The following CTNNA3 variants were observed in gnomAD, a reference collection of about 807,000 sequenced individuals.
The protein encoded by CTNNA3 is catenin alpha 3.
A neutral mutation model predicts 95.7 loss-of-function variants in CTNNA3; 76 were observed. The ratio of observed to expected loss-of-function variants is 0.79; its 90% CI spans 0.66 to 0.96. CTNNA3 has a LOEUF of 0.96. CTNNA3 is among the 40% of genes least tolerant of loss of function. CTNNA3 has a pLI of 0.00. For missense variants in CTNNA3, 1,191 were observed against 1,089.8 expected, an observed-to-expected ratio of 1.09 and a Z score of -1.31; for synonymous variants, 431 against 374.4, an observed-to-expected ratio of 1.15 and a Z score of -1.74.
chr10:66,423,660 G>T (rs989425472), intron 11 of CTNNA3, among the ~76,000 whole-genome samples: 3 of 152,100 alleles, frequency 2.0e-5, no homozygotes, highest in African/African-American at 7.2e-5. Context: ...TCTGATCAGA[G>T]ACATTACAAC....
At chr10:67,040,634 A>G (rs1045812663) in intron 7 of CTNNA3, among the ~76,000 whole-genome samples, 17 of 152,098 alleles carry the variant, frequency 1.1e-4, no homozygotes, top group Non-Finnish European at 2.5e-4. Context: ...TAAACAGTAT[A>G]CAATGGTGAC....
At chr10:66,952,011 G>T (rs896715685) in intron 7 of CTNNA3, among the ~76,000 whole-genome samples, 4 of 152,160 alleles carry the variant, frequency 2.6e-5, no homozygotes, top group Non-Finnish European at 5.9e-5. Flanking sequence ...AAATTGGCTG[G>T]CTTTCCTCTC....
intron 12 of CTNNA3, among the ~76,000 whole-genome samples, chr10:66,302,880 T>C (rs1282312658): frequency 6.6e-6 from 1 of 152,248 alleles, no homozygotes; most frequent in East Asian, 1.9e-4. Flanking sequence ...ATGCCCAAAT[T>C]AGATCCATTT....
intron 17 of CTNNA3, among the ~76,000 whole-genome samples, chr10:65,944,193 A>G (rs2077475231): frequency 6.6e-6 from 1 of 152,232 alleles, no homozygotes; most frequent in Admixed American, 6.5e-5. Context: ...CCCTTCCCAA[A>G]ACAAACCACA....
At chr10:66,689,832 G>A (rs774391142) in intron 9 of CTNNA3, among the ~76,000 whole-genome samples, 11 of 152,172 alleles carry the variant, frequency 7.2e-5, no homozygotes, top group African/African-American at 1.4e-4. Context: ...GGGGGAAAAT[G>A]AGAAGAAAAT....
At chr10:66,981,980 T>C (rs763894914) in intron 7 of CTNNA3, among the ~76,000 whole-genome samples, 5 of 152,124 alleles carry the variant, frequency 3.3e-5, no homozygotes, top group Non-Finnish European at 7.4e-5. Flanking sequence ...TTTTTCTAGG[T>C]TATGAGATTG....
intron 7 of CTNNA3, among the ~76,000 whole-genome samples, chr10:66,845,712 A>AAAAAAAC (rs1290079652): frequency 1.2e-4 from 15 of 126,384 alleles, no homozygotes; most frequent in South Asian, 2.7e-4. Context: ...TCAAAAAAAA[A>AAAAAAAC]AAAAAAAAAA....
intron 5 of CTNNA3, among the ~76,000 whole-genome samples, chr10:67,404,242 C>A (rs898415373): frequency 2.0e-5 from 3 of 151,840 alleles, no homozygotes; most frequent in Non-Finnish European, 4.4e-5. Flanking sequence ...AAATGTGGAT[C>A]TAAAAAATGA....
intron 1 of CTNNA3, among the ~76,000 whole-genome samples, chr10:67,649,982 G>A (rs1170437720): frequency 1.3e-5 from 2 of 152,126 alleles, no homozygotes; most frequent in African/African-American, 2.4e-5. Context: ...TGGGATTACA[G>A]GCATGCACCT....
At chr10:66,128,758 C>T (rs761776782) in intron 13 of CTNNA3, among the ~76,000 whole-genome samples, 70 of 152,126 alleles carry the variant, frequency 4.6e-4, no homozygotes, top group Non-Finnish European at 7.6e-4. Flanking sequence ...AGAATACACC[C>T]TGATGTAAGG....
intron 5 of CTNNA3, among the ~76,000 whole-genome samples, chr10:67,483,992 G>A (rs1168643886): frequency 1.3e-5 from 2 of 151,964 alleles, no homozygotes; most frequent in Non-Finnish European, 2.9e-5. Context: ...AAGTTCAAAT[G>A]GAACCAAAAA....
chr10:66,567,827 T>C (rs927480047), intron 10 of CTNNA3, among the ~76,000 whole-genome samples: 16 of 152,200 alleles, frequency 1.1e-4, no homozygotes, highest in East Asian at 1.9e-4. Flanking sequence ...TCTTGGTTGA[T>C]GATTTTTTCC....
chr10:67,667,634 T>A lies in CTNNA3; in HGVS notation c.-5-20116A>T, dbSNP rs78598474. ...AGGTTATTTTCCTTTAAAGGGGAAT[T>A]CTATTTCTAATAATAAAAACAAGCA... On this transcript the variant is annotated intron_variant, in intron 1 of 17. Transcript: ENST00000433211. Among the ~76,000 whole-genome samples the A allele has an allele frequency of 0.034, 5,150 of 152,208 alleles. 612 individuals are homozygous for A. The East Asian group carries it at 0.43, about 13-fold the overall frequency.
intron 7 of CTNNA3, among the ~76,000 whole-genome samples, chr10:66,904,430 G>A (rs1845896904): frequency 6.6e-6 from 1 of 152,068 alleles, no homozygotes; most frequent in South Asian, 2.1e-4. Flanking sequence ...GAAAACCCAG[G>A]CAATACCATT....
chr10:66,632,921 A>G (rs1845197139), intron 9 of CTNNA3, among the ~76,000 whole-genome samples: 1 of 152,168 alleles, frequency 6.6e-6, no homozygotes, highest in Non-Finnish European at 1.5e-5. Flanking sequence ...ATGAAATATG[A>G]CTAATAAATA....
chr10:67,343,404 AT>A (rs1301715259), intron 5 of CTNNA3, among the ~76,000 whole-genome samples: 2 of 152,068 alleles, frequency 1.3e-5, no homozygotes, highest in African/African-American at 4.8e-5. Flanking sequence ...ATATCTTTCC[AT>A]TTTTTGGTGT....
rs149814038 is a variant in CTNNA3, at chr10:67,688,717, C to A, written c.-6+7283G>T. 3.4e-3 allele frequency among the ~76,000 whole-genome samples: 518 copies of A among 152,254 alleles called. 3 individuals are homozygous for A. The highest frequency in any genetic ancestry group is 0.011 in the African/African-American group (476 of 41,530). Reference sequence around the variant, plus strand: ...CTGTTGATGCCTGAGTGTTTCCCATCTGAAAGACAAAACCACCCTTGGTCT... The same window carrying A: ...CTGTTGATGCCTGAGTGTTTCCCATATGAAAGACAAAACCACCCTTGGTCT... On this transcript the variant is annotated intron_variant, in intron 1 of 17. Coordinates refer to ENST00000433211, the MANE Select transcript of CTNNA3 (RefSeq NM_013266.4).
At chr10:67,149,441 C>T (rs1410409058) in intron 7 of CTNNA3, among the ~76,000 whole-genome samples, 4 of 151,842 alleles carry the variant, frequency 2.6e-5, no homozygotes, top group Admixed American at 2.6e-4. Flanking sequence ...AAAAATTAGC[C>T]CAGCGTGGTG....
Position 66,273,251 on chromosome 10 carries a change from G to T in CTNNA3, c.1884+7219C>A, listed in dbSNP as rs542625093. 2.6e-5 allele frequency among the ~76,000 whole-genome samples: 4 copies of T among 152,240 alleles called. No homozygotes were observed. In the South Asian group the frequency reaches 6.2e-4, roughly 24 times the overall value. The stretch of plus-strand genomic sequence containing the variant: ...TAAGGGTTACTTGAACACAAGAACT[G>T]CAATACTATATGACTAATGGGAGGG... On this transcript the variant is annotated intron_variant, in intron 13 of 17. Transcript: ENST00000433211.
Sources: gnomAD v4.1 joint callset for allele counts (sites outside exome capture counted in the v4.1 genomes callset) on GRCh38, gnomAD v4.1.1 for gene constraint, MANE v1.5 for transcripts, NCBI Gene and HGNC (gene_info 2026-07-23, HGNC 2026-07-21) for gene names.